Variants in PDE1C observed in about 807,000 individuals in gnomAD.
PDE1C encodes dual specificity calcium/calmodulin-dependent 3',5'-cyclic nucleotide phosphodiesterase 1C.
Under a neutral mutation model 93.1 loss-of-function variants are expected in PDE1C, and 62 were observed. That is an observed-to-expected ratio of 0.67 (90% CI 0.54 to 0.82). The LOEUF (loss-of-function observed/expected upper bound fraction) is 0.82, where lower values mean the gene tolerates loss of function less well. Among genes scored for constraint, PDE1C ranks in the 40% least tolerant of loss-of-function variants. The pLI, the probability that PDE1C is intolerant of heterozygous loss-of-function variation, is 0.00. For synonymous variants in PDE1C, 325 were observed against 310.1 expected (o/e 1.05, Z -0.50); for missense variants, 742 against 884.6 (o/e 0.84, Z 2.04).
intron 3 of PDE1C, among the ~76,000 whole-genome samples, chr7:32,159,551 C>T (rs1801782959): frequency 3.3e-5 from 5 of 152,014 alleles, no homozygotes. Context: ...GAGATATTTC[C>T]CAGTGTAGAG....
chr7:31,661,816 C>CATTAATTTAT, the PDE1C span, among the ~76,000 whole-genome samples: 3 of 152,290 alleles, frequency 2.0e-5, no homozygotes, highest in African/African-American at 7.2e-5. Flanking sequence ...TTCATTACTT[C>CATTAATTTAT]ATTAATTTAT....
At chr7:32,283,311 A>G (rs1309954090) in intron 1 of PDE1C, among the ~76,000 whole-genome samples, 2 of 152,254 alleles carry the variant, frequency 1.3e-5, no homozygotes, top group Non-Finnish European at 2.9e-5. Flanking sequence ...AAAAATAGTA[A>G]TAAATGTACA....
intron 1 of PDE1C, among the ~76,000 whole-genome samples, chr7:32,256,578 T>C (rs915114873): frequency 2.0e-5 from 3 of 152,200 alleles, no homozygotes; most frequent in Non-Finnish European, 1.5e-5. Flanking sequence ...GCCAACAGAT[T>C]CCTGTTGCCC....
At chr7:32,143,365 G>A (rs1343713284) in intron 3 of PDE1C, among the ~76,000 whole-genome samples, 1 of 150,820 alleles carries the variant, frequency 6.6e-6, no homozygotes, top group Non-Finnish European at 1.5e-5. Context: ...ATTCTAGTGG[G>A]AACGGCCTGA....
At chr7:31,643,175 A>G in the PDE1C span, 1 of 1,614,000 alleles carries the variant, frequency 6.2e-7, no homozygotes. Context: ...TCACCTGGAA[A>G]TGATCATACT....
At chr7:32,173,485 A>G (rs969109364) in intron 2 of PDE1C, among the ~76,000 whole-genome samples, 1 of 139,326 alleles carries the variant, frequency 7.2e-6, no homozygotes, top group African/African-American at 2.7e-5. Flanking sequence ...ACTTAAAGTA[A>G]AATAAAAATA....
At chr7:32,197,860 T>A (rs1303840238) in intron 2 of PDE1C, among the ~76,000 whole-genome samples, 1 of 152,190 alleles carries the variant, frequency 6.6e-6, no homozygotes, top group Non-Finnish European at 1.5e-5. Context: ...ACAAAAATTA[T>A]CTGAAATTAG....
chr7:32,105,889 G>T (rs1235119907), intron 3 of PDE1C, among the ~76,000 whole-genome samples: 1 of 151,882 alleles, frequency 6.6e-6, no homozygotes, highest in Non-Finnish European at 1.5e-5. Flanking sequence ...CACTATATTA[G>T]AAATTCTGCC....
At chr7:31,737,079 T>C in the PDE1C span, among the ~76,000 whole-genome samples, 1 of 152,150 alleles carries the variant, frequency 6.6e-6, no homozygotes, top group Admixed American at 6.5e-5. Flanking sequence ...GTGTCCCAAA[T>C]AGCTGGGACT....
chr7:32,005,909 C>T (rs552943775), intron 2 of PDE1C, among the ~76,000 whole-genome samples: 34 of 152,226 alleles, frequency 2.2e-4, no homozygotes, highest in African/African-American at 7.5e-4. Context: ...CTTACAGACA[C>T]ACTTACATGT....
intron 1 of PDE1C, among the ~76,000 whole-genome samples, chr7:32,364,947 G>A (rs922987377): frequency 1.3e-5 from 2 of 152,254 alleles, no homozygotes; most frequent in African/African-American, 4.8e-5. Context: ...CAGTCCGGCA[G>A]AACCTGCCCT....
intron 3 of PDE1C, among the ~76,000 whole-genome samples, chr7:32,110,633 ATGGG>A (rs1465402858): frequency 6.6e-6 from 1 of 152,164 alleles, no homozygotes; most frequent in East Asian, 1.9e-4. Flanking sequence ...AGCCACAGAG[ATGGG>A]TGGTGTTTTC....
At chr7:31,625,218 T>C in the PDE1C span, among the ~76,000 whole-genome samples, 5 of 152,126 alleles carry the variant, frequency 3.3e-5, no homozygotes, top group Non-Finnish European at 5.9e-5. Context: ...AGTGTGGCGA[T>C]TCCTCAGGGA....
intron 1 of PDE1C, among the ~76,000 whole-genome samples, chr7:32,413,155 G>A (rs140527813): frequency 1.6e-3 from 250 of 152,226 alleles, no homozygotes; most frequent in Middle Eastern, 0.014. Flanking sequence ...CTAGTTAGTG[G>A]TATGCTTGTG....
intron 1 of PDE1C, among the ~76,000 whole-genome samples, chr7:32,297,896 T>G (rs1812679571): frequency 6.6e-6 from 1 of 151,178 alleles, no homozygotes; most frequent in Non-Finnish European, 1.5e-5. Context: ...CTCTGTTCTC[T>G]TCTCTCTCTT....
chr7:31,908,401 C>T (rs746367270), intron 2 of PDE1C, among the ~76,000 whole-genome samples: 24 of 152,126 alleles, frequency 1.6e-4, no homozygotes, highest in Non-Finnish European at 2.5e-4. Flanking sequence ...CCAAAACGCC[C>T]CTCCACAGTA....
chr7:32,328,462 T>C (rs1783446164), intron 1 of PDE1C, among the ~76,000 whole-genome samples: 1 of 152,222 alleles, frequency 6.6e-6, no homozygotes. Context: ...AGTCCCTGCA[T>C]GATCTGCCTG....
At chr7:32,374,463 G>A (rs1585131304) in intron 1 of PDE1C, among the ~76,000 whole-genome samples, 2 of 152,208 alleles carry the variant, frequency 1.3e-5, no homozygotes, top group Non-Finnish European at 1.5e-5. Flanking sequence ...GGTGGCATGA[G>A]CCACCATGTA....
At chr7:31,760,813 A>G (rs1794787763) in intron 17 of PDE1C, among the ~76,000 whole-genome samples, 1 of 151,522 alleles carries the variant, frequency 6.6e-6, no homozygotes, top group Non-Finnish European at 1.5e-5. Flanking sequence ...CATATACTAA[A>G]CTAACGAAAT....
Sources: gnomAD v4.1 joint callset for allele counts (sites outside exome capture counted in the v4.1 genomes callset) on GRCh38, gnomAD v4.1.1 for gene constraint, MANE v1.5 for transcripts, NCBI Gene and HGNC (gene_info 2026-07-23, HGNC 2026-07-21) for gene names.